Variants in CACNA1C observed in about 807,000 individuals in gnomAD.
The protein encoded by CACNA1C is calcium voltage-gated channel subunit alpha1 C.
Under a neutral mutation model 229.0 loss-of-function variants are expected in CACNA1C, and 30 were observed. The observed-to-expected ratio is 0.13, with a 90% CI of 0.10 to 0.18. The LOEUF is 0.18. Among genes scored for constraint, CACNA1C ranks in the 10% least tolerant of loss-of-function variants. The probability of loss-of-function intolerance (pLI) is 1.00; values close to 1 mark genes in which losing one functional copy is unlikely to be tolerated. For synonymous variants in CACNA1C, 1,114 were observed against 1,132.5 expected, an observed-to-expected ratio of 0.98 and a Z score of 0.33; for missense variants, 1,658 against 2,845.0, an observed-to-expected ratio of 0.58 and a Z score of 9.49.
upstream of CACNA1C, among the ~76,000 whole-genome samples, chr12:2,052,847 G>C (rs1268867050): frequency 2.2e-5 from 3 of 137,148 alleles, no homozygotes; most frequent in Non-Finnish European, 4.8e-5. Context: ...CCTGCGCGCC[G>C]CCGCAGCCAC....
chr12:2,625,996 A>T (rs2086256906), intron 29 of CACNA1C, among the ~76,000 whole-genome samples: 1 of 152,200 alleles, frequency 6.6e-6, no homozygotes, highest in African/African-American at 2.4e-5. Flanking sequence ...AAGGGCAAGT[A>T]CTCTGGTTAT....
At chr12:2,076,652 C>G (rs2063307717) in intron 1 of CACNA1C, among the ~76,000 whole-genome samples, 7 of 152,270 alleles carry the variant, frequency 4.6e-5, no homozygotes, top group African/African-American at 1.7e-4. Flanking sequence ...CTGTATTTTT[C>G]AGTCACAAAA....
chr12:2,572,589 CTT>C (rs2056180640), intron 13 of CACNA1C, among the ~76,000 whole-genome samples: 1 of 99,964 alleles, frequency 1.0e-5, no homozygotes, highest in African/African-American at 3.8e-5. Context: ...TCTCCTCCTC[CTT>C]CTCCTCTCCT....
chr12:2,651,524 A>C lies in CACNA1C; in HGVS notation c.3946-116A>C. Reference sequence around the variant, plus strand: ...TCGGAGGGGGAAGTCTAGTGCAGCAAACCCTGGCCTGCCTTCCGCCACTGC... The same window carrying C: ...TCGGAGGGGGAAGTCTAGTGCAGCACACCCTGGCCTGCCTTCCGCCACTGC... On this transcript the variant is annotated intron_variant, in intron 31 of 46. Coordinates refer to ENST00000399655, the MANE Select transcript of CACNA1C (RefSeq NM_000719.7). This position sits in a 1 kb window ranked among gnomAD's most constrained non-coding sequence, Gnocchi z 5.4. 218 of 1,519,500 alleles carry C rather than the reference A, an allele frequency of 1.4e-4. No homozygotes were observed. Among genetic ancestry groups the C allele is most frequent in the Non-Finnish European group, 1.7e-4 (186 of 1,099,976 alleles). The allele number at this position is 1,519,500 out of a possible 1,614,324, so 94.1% of individuals were successfully genotyped here.
chr12:2,218,319 AAG>A (rs949924630), intron 3 of CACNA1C, among the ~76,000 whole-genome samples: 3 of 152,188 alleles, frequency 2.0e-5, no homozygotes, highest in African/African-American at 7.2e-5. Context: ...GCTCCCTCCA[AAG>A]AGAGAAACCT....
At chr12:1,978,009 C>G (rs187435519) in intron 1 of CACNA1C, among the ~76,000 whole-genome samples, 1 of 152,082 alleles carries the variant, frequency 6.6e-6, no homozygotes, top group Non-Finnish European at 1.5e-5. Flanking sequence ...GCTAAGGCTC[C>G]TCTTTGCTAG....
At chr12:2,363,611 C>T (rs2097636564) in intron 3 of CACNA1C, among the ~76,000 whole-genome samples, 1 of 152,182 alleles carries the variant, frequency 6.6e-6, no homozygotes, top group Non-Finnish European at 1.5e-5. Context: ...TCTCCCCACC[C>T]TTCCTGCTTC....
intron 13 of CACNA1C, among the ~76,000 whole-genome samples, chr12:2,579,105 C>T (rs1399327626): frequency 2.0e-5 from 3 of 152,150 alleles, no homozygotes; most frequent in African/African-American, 7.2e-5. Context: ...GCTGACGGCA[C>T]CTGGCCCTCT....
intron 29 of CACNA1C, among the ~76,000 whole-genome samples, chr12:2,623,215 G>A (rs1053854269): frequency 3.9e-5 from 6 of 152,152 alleles, no homozygotes; most frequent in African/African-American, 1.2e-4. Context: ...ATTGGGTCAC[G>A]TTCAAACATC....
chr12:2,329,803 C>T (rs988095251), intron 3 of CACNA1C, among the ~76,000 whole-genome samples: 2 of 152,216 alleles, frequency 1.3e-5, no homozygotes, highest in Non-Finnish European at 1.5e-5. Context: ...TGTGACTTCA[C>T]TCTCATAGTC....
At chr12:2,609,033 C>T (rs2076486502) in intron 27 of CACNA1C, among the ~76,000 whole-genome samples, 2 of 152,138 alleles carry the variant, frequency 1.3e-5, no homozygotes, top group African/African-American at 2.4e-5. Flanking sequence ...CCAAGTGGGT[C>T]GGCACCATGA....
chr12:2,616,598 G>A (rs1033869343), intron 29 of CACNA1C, among the ~76,000 whole-genome samples: 5 of 152,202 alleles, frequency 3.3e-5, no homozygotes, highest in Non-Finnish European at 7.3e-5. Context: ...TCGCTGCTGC[G>A]AGCCCCCATA....
chr12:2,107,970 C>T (rs1321058353), intron 1 of CACNA1C, among the ~76,000 whole-genome samples: 2 of 152,266 alleles, frequency 1.3e-5, no homozygotes, highest in East Asian at 1.9e-4. Context: ...CTGAATGTAC[C>T]GTAATTGAAA....
intron 29 of CACNA1C, among the ~76,000 whole-genome samples, chr12:2,627,402 T>G (rs950995054): frequency 5.3e-5 from 8 of 152,120 alleles, no homozygotes; most frequent in Admixed American, 3.9e-4. Context: ...CAACTCTGCA[T>G]AGACACACAG....
Position 2,649,129 on chromosome 12 carries a change from C to T in CACNA1C, c.3945+622C>T, listed in dbSNP as rs1033254236. Among the ~76,000 whole-genome samples, 47 of 152,206 alleles carry T rather than the reference C, an allele frequency of 3.1e-4. No individual in the cohort carries two copies. The highest frequency in any genetic ancestry group is 7.3e-5 in the Non-Finnish European group (5 of 68,044). ...GAAGTCCGTTAAAATTAGGCTGCAGCCACTGTTCCGCAGCAAGCTGGAAGC... is the reference window on the plus strand; with the variant it reads ...GAAGTCCGTTAAAATTAGGCTGCAGTCACTGTTCCGCAGCAAGCTGGAAGC... On this transcript the variant is annotated intron_variant, in intron 31 of 46. Transcript: ENST00000399655. This position sits in a 1 kb window ranked among gnomAD's most constrained non-coding sequence, Gnocchi z 4.4.
Position 2,333,820 on chromosome 12 carries a change from T to G in CACNA1C, c.478-115156T>G, listed in dbSNP as rs1049445498. Reference sequence around the variant, plus strand: ...TAGCTCTTTTTGATGTTCAAAGCTCTGTGGCACACAGCCCTCCTTAGGGTC... The same window carrying G: ...TAGCTCTTTTTGATGTTCAAAGCTCGGTGGCACACAGCCCTCCTTAGGGTC... On this transcript the variant is annotated intron_variant, in intron 3 of 46. Transcript: ENST00000399655. Among the ~76,000 whole-genome samples, 4 of 152,232 alleles carry G rather than the reference T, an allele frequency of 2.6e-5. No homozygotes were observed. In the East Asian group the frequency reaches 5.8e-4, roughly 22 times the overall value.
At chr12:2,636,254 C>T (rs568524169) in intron 30 of CACNA1C, among the ~76,000 whole-genome samples, 16 of 152,336 alleles carry the variant, frequency 1.1e-4, no homozygotes, top group Admixed American at 2.6e-4. Flanking sequence ...CGCAAGCTGC[C>T]CCCCTGTACA....
intron 9 of CACNA1C, among the ~76,000 whole-genome samples, chr12:2,523,501 C>G (rs747939417): frequency 7.2e-5 from 11 of 152,192 alleles, no homozygotes; most frequent in Non-Finnish European, 1.0e-4. Context: ...GGAACCGCCT[C>G]TGATGATTCT....
rs368323925 is a variant in CACNA1C, at chr12:2,004,231, C to G, written c.139+33030C>G. ...CCTCAAGTCCTGAGTCTGACGCCCC[C>G]CGCCTCCACCCCAACCCTGGGCTGC... On this transcript the variant is annotated intron_variant, in intron 1 of 46. Transcript: ENST00000682462. The G allele has an allele frequency of 3.0e-4, 486 of 1,605,340 alleles. 1 individual carries two copies. The African/African-American group carries it at 4.4e-3, about 15-fold the overall frequency.
Sources: allele counts gnomAD v4.1 joint callset (sites outside exome capture counted in the v4.1 genomes callset), GRCh38; gene constraint gnomAD v4.1.1; non-coding constraint Gnocchi (gnomAD v3.1); transcripts MANE v1.5; gene names NCBI Gene and HGNC (gene_info 2026-07-23, HGNC 2026-07-21).